The following NLRP12 variants were observed in gnomAD, a reference collection of about 807,000 sequenced individuals.
The protein encoded by NLRP12 is NACHT, LRR and PYD domains-containing protein 12.
In NLRP12, 108 loss-of-function variants were observed where a neutral mutation model predicts 91.2. The ratio of observed to expected loss-of-function variants is 1.18; its 90% confidence interval spans 1.01 to 1.39. The LOEUF (loss-of-function observed/expected upper bound fraction) is 1.39, where lower values mean the gene tolerates loss of function less well. Ranked by LOEUF, NLRP12 falls within the 40% of genes most tolerant of loss-of-function variation. The pLI, the probability that NLRP12 is intolerant of heterozygous loss-of-function variation, is 0.00. For synonymous variants in NLRP12, 613 were observed against 566.7 expected, an observed-to-expected ratio of 1.08 and a Z score of -1.16; for missense variants, 1,530 against 1,352.7, an observed-to-expected ratio of 1.13 and a Z score of -2.06.
At chr19:53,797,561 G>C (rs2091788896) in intron 8 of NLRP12, among the ~76,000 whole-genome samples, 1 of 151,846 alleles carries the variant, frequency 6.6e-6, no homozygotes, top group African/African-American at 2.4e-5. Context: ...TGGGATTACA[G>C]GCATGCGCCA....
chr19:53,797,805 C>A (rs1046314027), intron 8 of NLRP12, among the ~76,000 whole-genome samples: 2 of 151,272 alleles, frequency 1.3e-5, no homozygotes, highest in African/African-American at 4.9e-5. Context: ...ATGGCATGAT[C>A]TCGGCTCACT....
chr19:53,796,543 G>A (rs56215885), intron 8 of NLRP12, among the ~76,000 whole-genome samples: 18,597 of 151,798 alleles, frequency 0.12, 1,399 homozygotes, highest in South Asian at 0.17. Context: ...CACTGTGCCC[G>A]GCCGTAATTT....
chr19:53,803,918 CA>C (rs780596397), intron 6 of NLRP12, 33 bp downstream of exon 6: 1 of 1,602,542 alleles, frequency 6.2e-7, no homozygotes, highest in Admixed American at 1.7e-5. Flanking sequence ...AGAGATTTGC[CA>C]TTTTATTATA....
intron 7 of NLRP12, among the ~76,000 whole-genome samples, 198 bp from the exon 8 acceptor site, chr19:53,798,611 T>A (rs1439415893): frequency 6.6e-6 from 1 of 152,110 alleles, no homozygotes; most frequent in Non-Finnish European, 1.5e-5. Flanking sequence ...AGGAAGCAAC[T>A]AAGAATCAGG....
At position 53,823,490 on chromosome 19, in the gene NLRP12, A is replaced by AT. The variant is rs1568703189; in HGVS notation, c.289+395dup. 4.8e-5 allele frequency among the ~76,000 whole-genome samples: 4 copies of AT among 83,050 alleles called. No individual in the cohort carries two copies. In the South Asian group the frequency reaches 1.4e-3, roughly 28 times the overall value. The allele number at this position is 83,050 out of a possible 152,430, so 54.5% of individuals were successfully genotyped here. A position where few individuals can be genotyped will look rare whatever the true frequency, so the allele number is the denominator to read the frequency against. On this transcript the variant is annotated intron_variant, in intron 1 of 9. Transcript: ENST00000324134. ...ATATATTTAAAATATATATTTTAAA[A>AT]TATATTTATTTAAAATATATATTTA...
chr19:53,813,299 CTTTTTTTTTTT>C (rs1160039078), intron 2 of NLRP12, among the ~76,000 whole-genome samples: 1 of 86,032 alleles, frequency 1.2e-5, no homozygotes, highest in African/African-American at 4.8e-5. Context: ...TTTTTCTTTT[CTTTTTTTTTTT>C]TTTTTTTTTT....
In NLRP12 at chr19:53,810,129, G is replaced by A. The variant is rs558437312; in HGVS notation, c.1530C>T (p.Tyr510=). The change falls in exon 3 of 10, where the codon TAC becomes TAT. Residue 510 remains tyrosine, a synonymous_variant. Transcript: ENST00000324134. ...FQKDINCERY[Y]SFIHLSFQEF... ...CCTGGAAACTCAAGTGGATGAAGCT[G>A]TAGTACCTCTCACAGTTGATGTCCT... The A allele has an allele frequency of 6.2e-7, 1 of 1,614,178 alleles. No homozygotes were observed. The highest frequency in any genetic ancestry group is 1.3e-5 in the African/African-American group (1 of 75,056).
intron 4 of NLRP12, among the ~76,000 whole-genome samples, 186 bp downstream of exon 4, chr19:53,807,309 C>T (rs150618886): frequency 1.3e-5 from 2 of 152,342 alleles, no homozygotes; most frequent in African/African-American, 4.8e-5. Context: ...CTCAAGTGAT[C>T]TGCCCGCCTT....
chr19:53,802,425 C>A (rs964079792), intron 6 of NLRP12, among the ~76,000 whole-genome samples: 1 of 149,228 alleles, frequency 6.7e-6, no homozygotes, highest in Non-Finnish European at 1.5e-5. Flanking sequence ...AAATAGAATG[C>A]GGCCGGGCAT....
chr19:53,821,355 G>A (rs1203451345), intron 1 of NLRP12, among the ~76,000 whole-genome samples: 2 of 150,108 alleles, frequency 1.3e-5, no homozygotes, highest in Non-Finnish European at 3.0e-5. Flanking sequence ...ATTATTTTAT[G>A]AGATAGAAGA....
chr19:53,820,230 A>G (rs911392416), intron 1 of NLRP12, among the ~76,000 whole-genome samples: 21 of 152,076 alleles, frequency 1.4e-4, no homozygotes, highest in Non-Finnish European at 2.6e-4. Flanking sequence ...GAGAAATTAC[A>G]TTAAAAACCA....
Position 53,801,314 on chromosome 19 carries a change from T to C in NLRP12, c.2669A>G (p.Asp890Gly). The C allele has an allele frequency of 1.2e-6, 2 of 1,613,948 alleles. No individual in the cohort carries two copies. Among genetic ancestry groups the C allele is most frequent in the East Asian group, 2.2e-5 (1 of 44,852 alleles). ...GTCCCCCAGCTCATTCAGGCTCAGGTCCAGCTCTCTCAGGCTCTGGTTCAC... is the reference window on the plus strand; with the variant it reads ...GTCCCCCAGCTCATTCAGGCTCAGGCCCAGCTCTCTCAGGCTCTGGTTCAC... ...LSVNQSLREL[D>G]LSLNELGDLG... The change falls in exon 7 of 10, where the codon GAC becomes GGC. Residue 890 changes from aspartate to glycine, a missense_variant. Physicochemically the swap from Asp to Gly is moderately conservative, Grantham distance 94 (BLOSUM62 -1). Coordinates refer to ENST00000324134, the MANE Select transcript of NLRP12 (RefSeq NM_144687.4).
At chr19:53,818,961 C>G (rs146624118) in intron 1 of NLRP12, among the ~76,000 whole-genome samples, 1 of 152,232 alleles carries the variant, frequency 6.6e-6, no homozygotes, top group East Asian at 1.9e-4. Flanking sequence ...CATATCGATT[C>G]TCCAGCATCA....
upstream of NLRP12, chr19:53,824,402 C>T: frequency 1.8e-6 from 1 of 555,626 alleles, no homozygotes; most frequent in South Asian, 2.2e-5. Context: ...AATGGCTGTT[C>T]TGGGTGGAGA....
chr19:53,806,674 C>T (rs2091962775), intron 4 of NLRP12, among the ~76,000 whole-genome samples: 2 of 92,560 alleles, frequency 2.2e-5, no homozygotes, highest in Admixed American at 1.4e-4. Context: ...AGCAAGACTC[C>T]GTCTCAAAAA....
intron 1 of NLRP12, among the ~76,000 whole-genome samples, chr19:53,822,480 C>T (rs2092274903): frequency 6.6e-6 from 1 of 152,118 alleles, no homozygotes; most frequent in Non-Finnish European, 1.5e-5. Context: ...TGCCCGTAAT[C>T]CCAGCACTTT....
intron 5 of NLRP12, 133 bp from the exon 6 acceptor site, chr19:53,804,255 T>A: frequency 1.0e-6 from 1 of 997,386 alleles, no homozygotes; most frequent in South Asian, 1.4e-5. Context: ...TTCAGTGGAG[T>A]GATATCAACT....
intron 1 of NLRP12, among the ~76,000 whole-genome samples, chr19:53,819,599 GCA>G (rs1491493651): frequency 0.43 from 16,924 of 39,202 alleles, 4,879 homozygotes; most frequent in African/African-American, 0.49. Flanking sequence ...ACGTATATAC[GCA>G]TATATATGTA....
chr19:53,819,649 A>C lies in NLRP12; in HGVS notation c.289+4237T>G, dbSNP rs1214845573. Among the ~76,000 whole-genome samples the C allele has an allele frequency of 2.1e-5, 2 of 96,738 alleles. 1 individual carries two copies. The highest frequency in any genetic ancestry group is 2.2e-4 in the Admixed American group (2 of 9,270). 63.5% of individuals were successfully genotyped at this position (96,738 alleles called of 152,430 possible). ...TACGCGTATATATGTATGTATACGT[A>C]TATATATACACATGTATACATATAT... On this transcript the variant is annotated intron_variant, in intron 1 of 9. Transcript: ENST00000324134.
Sources: allele counts gnomAD v4.1 joint callset (sites outside exome capture counted in the v4.1 genomes callset), GRCh38; gene constraint gnomAD v4.1.1; transcripts MANE v1.5; gene names NCBI Gene and HGNC (gene_info 2026-07-23, HGNC 2026-07-21).